ESR1: variants seen among roughly 807,000 people sequenced by gnomAD.
The protein encoded by ESR1 is estrogen receptor 1.
ESR1 carries 12 observed loss-of-function variants against 52.7 expected under a neutral mutation model. That is an observed-to-expected ratio of 0.23 (90% CI 0.15 to 0.37). The LOEUF (loss-of-function observed/expected upper bound fraction) is 0.37. ESR1 is among the 10% of genes least tolerant of loss of function. The probability of loss-of-function intolerance (pLI) is 1.00; values close to 1 mark genes in which losing one functional copy is unlikely to be tolerated. For synonymous variants in ESR1, 305 were observed against 316.8 expected (o/e 0.96, Z 0.39); for missense variants, 584 against 779.7 (o/e 0.75, Z 2.99).
At chr6:152,052,128 G>A (rs751506347) in intron 5 of ESR1, among the ~76,000 whole-genome samples, 12 of 152,164 alleles carry the variant, frequency 7.9e-5, no homozygotes, top group East Asian at 1.9e-4. Context: ...GAGAGCAGGC[G>A]TTTCACACAG....
At chr6:151,899,067 G>A (rs1475186139) in intron 3 of ESR1, among the ~76,000 whole-genome samples, 14 of 142,244 alleles carry the variant, frequency 9.8e-5, no homozygotes, top group East Asian at 4.6e-4. Flanking sequence ...GCGGCTGGCC[G>A]GGTGGGGGGC....
At chr6:152,020,110 CT>C (rs1178291382) in intron 5 of ESR1, among the ~76,000 whole-genome samples, 1 of 152,198 alleles carries the variant, frequency 6.6e-6, no homozygotes, top group Non-Finnish European at 1.5e-5. Flanking sequence ...TCCTCCATCA[CT>C]TTCTAAACGC....
Position 152,012,627 on chromosome 6 carries a change from C to T in ESR1, c.1235+833C>T, listed in dbSNP as rs368696314. On this transcript the variant is annotated intron_variant, in intron 5 of 7. Transcript: ENST00000206249. ...TTCAAATTCAAGATCTTTCTGGCTCCGGTATGCTCTGTTACCTCCTGTGCT... is the reference window on the plus strand; with the variant it reads ...TTCAAATTCAAGATCTTTCTGGCTCTGGTATGCTCTGTTACCTCCTGTGCT... Among the ~76,000 whole-genome samples the T allele has an allele frequency of 2.6e-4, 40 of 152,278 alleles. No homozygotes were observed. In the South Asian group the frequency reaches 6.6e-3, roughly 25 times the overall value.
intron 2 of ESR1, among the ~76,000 whole-genome samples, chr6:151,723,945 TAAAG>T (rs1421119245): frequency 4.0e-5 from 6 of 151,634 alleles, no homozygotes; most frequent in Admixed American, 6.6e-5. Context: ...AAAATGACAA[TAAAG>T]GAATGAAAAA....
At position 152,006,633 on chromosome 6, in the gene ESR1, A is replaced by AT. The variant is rs531945219; in HGVS notation, c.1097-5016dup. Among the ~76,000 whole-genome samples, 36 of 151,852 alleles carry AT rather than the reference A, an allele frequency of 2.4e-4. No individual in the cohort carries two copies. The East Asian group carries it at 5.0e-3, about 21-fold the overall frequency. On this transcript the variant is annotated intron_variant, in intron 4 of 7. Coordinates refer to ENST00000206249, the MANE Select transcript of ESR1 (RefSeq NM_000125.4). ...TGCCACAATCTTCCTTCCATGATTT[A>AT]TTTTTTTCCCATACTGTACTCTTGC...
rs747399640 is a variant in ESR1 at position 151,807,911 on chromosome 6, C to T, written c.-2C>T. 1.2e-5 allele frequency: 20 copies of T among 1,613,466 alleles called. No individual in the cohort carries two copies. The highest frequency in any genetic ancestry group is 1.5e-5 in the Non-Finnish European group (18 of 1,179,726). ...TCTGCACCCTGCCCGCGGCCACGGACCATGACCATGACCCTCCACACCAAA... is the reference window on the plus strand; with the variant it reads ...TCTGCACCCTGCCCGCGGCCACGGATCATGACCATGACCCTCCACACCAAA... On this transcript the variant is annotated 5_prime_UTR_variant, in exon 1 of 8. Coordinates refer to ENST00000206249, the MANE Select transcript of ESR1 (RefSeq NM_000125.4).
At chr6:152,064,493 C>T (rs1408419217) in intron 6 of ESR1, among the ~76,000 whole-genome samples, 1 of 152,248 alleles carries the variant, frequency 6.6e-6, no homozygotes, top group Non-Finnish European at 1.5e-5. Context: ...TCAATTCTTA[C>T]AGTCACTACC....
chr6:151,778,197 G>A (rs1168364465), intron 2 of ESR1, among the ~76,000 whole-genome samples: 1 of 152,036 alleles, frequency 6.6e-6, no homozygotes, highest in African/African-American at 2.4e-5. Context: ...CCTAGAATAG[G>A]CAAATTCACA....
chr6:151,835,651 G>A (rs1369008611), intron 1 of ESR1, among the ~76,000 whole-genome samples: 2 of 152,204 alleles, frequency 1.3e-5, no homozygotes, highest in Admixed American at 1.3e-4. Context: ...GTGTGTAGGT[G>A]ACAGGAAACA....
intron 4 of ESR1, among the ~76,000 whole-genome samples, chr6:151,982,597 G>C (rs907583491): frequency 1.3e-5 from 2 of 151,318 alleles, no homozygotes; most frequent in Non-Finnish European, 2.9e-5. Flanking sequence ...CCAGTCTCCT[G>C]CCTCAGCCTC....
intron 3 of ESR1, among the ~76,000 whole-genome samples, chr6:151,922,344 T>G (rs1006773261): frequency 2.6e-5 from 4 of 152,202 alleles, no homozygotes; most frequent in African/African-American, 9.6e-5. Context: ...GTGGAGCTCA[T>G]ATTTAAGGAG....
At chr6:151,987,196 C>T (rs111773604) in intron 4 of ESR1, among the ~76,000 whole-genome samples, 25 of 152,104 alleles carry the variant, frequency 1.6e-4, no homozygotes, top group Non-Finnish European at 2.9e-4. Context: ...GATGCTCCAT[C>T]TCCTCCTACT....
At chr6:151,688,788 G>A (rs960204335), upstream of ESR1, among the ~76,000 whole-genome samples, 1 of 152,174 alleles carries the variant, frequency 6.6e-6, no homozygotes, top group African/African-American at 2.4e-5. Context: ...GTATACAGGA[G>A]GATGTGCATA....
upstream of ESR1, among the ~76,000 whole-genome samples, chr6:151,806,133 C>T (rs563578631): frequency 6.6e-6 from 1 of 152,264 alleles, no homozygotes; most frequent in Admixed American, 6.5e-5. Flanking sequence ...GTAATGATTG[C>T]TGGCCATAAA....
chr6:151,769,285 C>G (rs1785315294), intron 2 of ESR1, among the ~76,000 whole-genome samples: 1 of 152,188 alleles, frequency 6.6e-6, no homozygotes, highest in South Asian at 2.1e-4. Context: ...TATTGAATAG[C>G]AGCTTCCAGG....
At chr6:152,125,344 T>C in exon 7 of ESR1, 4 of 1,550,288 alleles carry the variant, frequency 2.6e-6, no homozygotes, top group Non-Finnish European at 3.5e-6. Context: ...TTTCCTCGTG[T>C]CTAAAGCCTC....
At chr6:151,929,401 T>C (rs1328208803) in intron 3 of ESR1, among the ~76,000 whole-genome samples, 1 of 152,192 alleles carries the variant, frequency 6.6e-6, no homozygotes, top group African/African-American at 2.4e-5. Context: ...TTTGTGAATG[T>C]TAGCATGGTG....
At chr6:151,758,998 C>T (rs978769313) in intron 2 of ESR1, among the ~76,000 whole-genome samples, 4 of 151,848 alleles carry the variant, frequency 2.6e-5, no homozygotes, top group Admixed American at 1.3e-4. Context: ...AACATAAGGC[C>T]GGACGCAGTG....
intron 6 of ESR1, among the ~76,000 whole-genome samples, chr6:152,114,254 C>T (rs965116820): frequency 1.3e-5 from 2 of 152,300 alleles, no homozygotes; most frequent in South Asian, 2.1e-4. Context: ...TGTCCCTCCC[C>T]GCCCCATCAT....
Sources: allele counts gnomAD v4.1 joint callset (sites outside exome capture counted in the v4.1 genomes callset), GRCh38; gene constraint gnomAD v4.1.1; transcripts MANE v1.5; gene names NCBI Gene and HGNC (gene_info 2026-07-23, HGNC 2026-07-21).